MTMR7: variants seen among roughly 807,000 people sequenced by gnomAD.
MTMR7 encodes phosphatidylinositol-3-phosphate phosphatase MTMR7.
MTMR7 carries 76 observed loss-of-function variants against 81.2 expected under a neutral mutation model. That is an observed-to-expected ratio of 0.94 (90% CI 0.78 to 1.13). The LOEUF is 1.13. Among genes scored for constraint, MTMR7 ranks in the 50% most tolerant of loss-of-function variants. MTMR7 has a pLI of 0.00. For missense variants in MTMR7, 1,044 were observed against 820.0 expected (o/e 1.27, Z -3.34); for synonymous variants, 372 against 289.8 (o/e 1.28, Z -2.88).
intron 7 of MTMR7, chr8:17,326,497 C>T (rs962787866): frequency 6.6e-6 from 1 of 152,212 alleles, no homozygotes; most frequent in Non-Finnish European, 1.5e-5. Context: ...ATCAGAATCA[C>T]TACTCAACAA....
intron 1 of MTMR7, among the ~76,000 whole-genome samples, chr8:17,407,477 C>T (rs1451470982): frequency 1.3e-5 from 2 of 151,834 alleles, no homozygotes; most frequent in African/African-American, 4.8e-5. Flanking sequence ...ACAGTAATTC[C>T]ATCTAGGGTT....
chr8:17,373,517 A>G (rs1585101812), intron 1 of MTMR7, among the ~76,000 whole-genome samples: 1 of 152,182 alleles, frequency 6.6e-6, no homozygotes, highest in East Asian at 1.9e-4. Context: ...GGGTTTTACA[A>G]TGGTCAACGC....
At chr8:17,320,623 A>C (rs1416592424) in intron 7 of MTMR7, among the ~76,000 whole-genome samples, 4 of 152,216 alleles carry the variant, frequency 2.6e-5, no homozygotes, top group Non-Finnish European at 5.9e-5. Context: ...GCATGGACCC[A>C]ATTGGAAGAC....
At chr8:17,340,439 G>A (rs1246797974) in intron 6 of MTMR7, among the ~76,000 whole-genome samples, 2 of 152,226 alleles carry the variant, frequency 1.3e-5, no homozygotes, top group Non-Finnish European at 2.9e-5. Flanking sequence ...AGCTGACTAA[G>A]GGACGTTTCA....
At chr8:17,347,476 G>A (rs1334383761) in intron 5 of MTMR7, among the ~76,000 whole-genome samples, 1 of 152,094 alleles carries the variant, frequency 6.6e-6, no homozygotes, top group Non-Finnish European at 1.5e-5. Context: ...TCTAGAATCT[G>A]ACTGAGACCC....
chr8:17,302,082 G>A, intron 13 of MTMR7, 72 bp downstream of exon 13: 2 of 1,581,428 alleles, frequency 1.3e-6, no homozygotes, highest in African/African-American at 2.7e-5. Flanking sequence ...TGAATCTTAA[G>A]AGGCTTTCAT....
At chr8:17,378,483 C>G (rs1820658664) in intron 1 of MTMR7, among the ~76,000 whole-genome samples, 1 of 152,154 alleles carries the variant, frequency 6.6e-6, no homozygotes, top group Non-Finnish European at 1.5e-5. Context: ...TAACTTAATT[C>G]TGTCTCATCT....
chr8:17,365,689 G>T (rs1317680586), intron 3 of MTMR7, among the ~76,000 whole-genome samples: 1 of 152,164 alleles, frequency 6.6e-6, no homozygotes, highest in African/African-American at 2.4e-5. Flanking sequence ...GGAGTAAACT[G>T]AATGTGCACC....
At chr8:17,359,792 G>T (rs1042119463) in intron 4 of MTMR7, among the ~76,000 whole-genome samples, 1 of 152,026 alleles carries the variant, frequency 6.6e-6, no homozygotes, top group African/African-American at 2.4e-5. Context: ...GGTATCAAAA[G>T]ATTTTTAAAA....
intron 3 of MTMR7, among the ~76,000 whole-genome samples, chr8:17,368,045 G>A (rs896305971): frequency 6.6e-6 from 1 of 152,074 alleles, no homozygotes; most frequent in Non-Finnish European, 1.5e-5. Flanking sequence ...TTCGGTACCA[G>A]GGACCAGCTT....
intron 1 of MTMR7, among the ~76,000 whole-genome samples, chr8:17,404,413 T>G (rs2150585788): frequency 6.6e-6 from 1 of 152,286 alleles, no homozygotes; most frequent in East Asian, 1.9e-4. Context: ...TTGAGGTACC[T>G]ATTAGATATA....
chr8:17,314,633 T>G (rs1405893312), intron 7 of MTMR7, among the ~76,000 whole-genome samples: 1 of 152,106 alleles, frequency 6.6e-6, no homozygotes, highest in Admixed American at 6.5e-5. Flanking sequence ...AAAGCACAAG[T>G]AGTTAAATTC....
intron 1 of MTMR7, among the ~76,000 whole-genome samples, chr8:17,383,229 C>A (rs1358989202): frequency 6.6e-6 from 1 of 152,080 alleles, no homozygotes; most frequent in Non-Finnish European, 1.5e-5. Context: ...CCAGGCAATC[C>A]AGGATGAATT....
chr8:17,366,746 C>T (rs1260741717), intron 3 of MTMR7, among the ~76,000 whole-genome samples: 4 of 151,740 alleles, frequency 2.6e-5, no homozygotes, highest in African/African-American at 7.3e-5. Context: ...ATTAACCGGG[C>T]GTGGTGGCGG....
chr8:17,313,389 T>G lies in MTMR7; in HGVS notation c.878A>C (p.Lys293Thr). 1 of 1,610,472 alleles carries G rather than the reference T, an allele frequency of 6.2e-7. No individual in the cohort carries two copies. Among genetic ancestry groups the G allele is most frequent in the Non-Finnish European group, 8.5e-7 (1 of 1,177,412 alleles). ...LQKMLEVCEL[K>T]SPSMSDFLWG... ...CAGGAAATCACTCATGGAGGGAGATTTAAGTTCACACACTGCAAGATAAAT... is the reference window on the plus strand; with the variant it reads ...CAGGAAATCACTCATGGAGGGAGATGTAAGTTCACACACTGCAAGATAAAT... Residue 293 changes from lysine (K) to threonine (T), a missense_variant, in exon 8 of 14, where the codon AAA becomes ACA. Transcript: ENST00000180173.
chr8:17,382,072 C>A (rs1468593220), intron 1 of MTMR7, among the ~76,000 whole-genome samples: 1 of 152,208 alleles, frequency 6.6e-6, no homozygotes, highest in East Asian at 1.9e-4. Context: ...AAAATGCATA[C>A]AATAATGACT....
intron 4 of MTMR7, among the ~76,000 whole-genome samples, chr8:17,350,506 C>T (rs186546051): frequency 6.6e-6 from 1 of 152,268 alleles, no homozygotes; most frequent in African/African-American, 2.4e-5. Flanking sequence ...GACCAGCTCC[C>T]ATGATCCAAT....
In MTMR7 at chr8:17,299,975, CT is replaced by C; in HGVS notation, c.1869del (p.Glu624SerfsTer7). On this transcript the variant is annotated frameshift_variant, in exon 14 of 14. Transcript: ENST00000180173. LOFTEE classifies it high-confidence loss of function. ...CAGCTCAAATCCTCCACCCCGGACT[CT>C]TGGTCACTGTTGGCTGACAGATCTG... ...SDPDLSANSD[Q>X]ESGVEDLSCR... 6.2e-7 allele frequency: 1 copy of C among 1,614,164 alleles called. No homozygotes were observed. Among genetic ancestry groups the C allele is most frequent in the Non-Finnish European group, 8.5e-7 (1 of 1,180,024 alleles).
intron 4 of MTMR7, among the ~76,000 whole-genome samples, chr8:17,350,848 G>A (rs936006195): frequency 6.6e-6 from 1 of 152,128 alleles, no homozygotes; most frequent in Non-Finnish European, 1.5e-5. Context: ...CTAATTTCAG[G>A]GTTCTACCAG....
Sources: gnomAD v4.1 joint callset for allele counts (sites outside exome capture counted in the v4.1 genomes callset) on GRCh38, gnomAD v4.1.1 for gene constraint, MANE v1.5 for transcripts, NCBI Gene and HGNC (gene_info 2026-07-23, HGNC 2026-07-21) for gene names.